Variants in SQSTM1 observed in about 807,000 individuals in gnomAD.
SQSTM1 encodes sequestosome 1.
SQSTM1 carries 36 observed loss-of-function variants against 45.1 expected under a neutral mutation model. The ratio of observed to expected loss-of-function variants is 0.80; its 90% confidence interval spans 0.61 to 1.05. The LOEUF (loss-of-function observed/expected upper bound fraction) is 1.05. SQSTM1 is among the 50% of genes least tolerant of loss of function. The pLI is 0.00. For synonymous variants in SQSTM1, 290 were observed against 244.3 expected (o/e 1.19, Z -1.74); for missense variants, 617 against 607.1 (o/e 1.02, Z -0.17).
At chr5:179,809,190 G>C (rs1316855372) in intron 1 of SQSTM1, among the ~76,000 whole-genome samples, 3 of 136,094 alleles carry the variant, frequency 2.2e-5, no homozygotes, top group South Asian at 4.9e-4. Context: ...ACGGAGTCTC[G>C]GTCTGTCGCC....
At chr5:179,820,882 G>GT (rs1006439663), upstream of SQSTM1, 3 of 1,416,438 alleles carry the variant, frequency 2.1e-6, no homozygotes. Flanking sequence ...CGCTACAAAA[G>GT]CCGCGCGGCG....
upstream of SQSTM1, among the ~76,000 whole-genome samples, chr5:179,816,625 C>T (rs145543673): frequency 6.6e-6 from 1 of 152,326 alleles, no homozygotes; most frequent in East Asian, 1.9e-4. Flanking sequence ...AAGGCCATGC[C>T]GACCTCTCCC....
chr5:179,832,217 C>T (rs1458283512), intron 5 of SQSTM1, among the ~76,000 whole-genome samples: 1 of 152,192 alleles, frequency 6.6e-6, no homozygotes, highest in Non-Finnish European at 1.5e-5. Flanking sequence ...TGAAAGGGCA[C>T]AGGGAGAGTT....
intron 1 of SQSTM1, chr5:179,821,755 C>T (rs1757788970): frequency 3.1e-6 from 1 of 326,942 alleles, no homozygotes; most frequent in Admixed American, 4.2e-5. Context: ...GAACGTTCTT[C>T]AGAAGTGTTG....
chr5:179,832,289 C>T (rs1333574196), intron 5 of SQSTM1, among the ~76,000 whole-genome samples: 3 of 152,200 alleles, frequency 2.0e-5, no homozygotes, highest in Admixed American at 6.5e-5. Context: ...TGACTCTAAG[C>T]TGTGGGTGTG....
intron 5 of SQSTM1, 137 bp from the exon 6 acceptor site, chr5:179,832,895 C>G (rs1758302118): frequency 1.2e-6 from 1 of 868,676 alleles, no homozygotes; most frequent in African/African-American, 1.7e-5. Flanking sequence ...TGAGTGCCAC[C>G]ATCCAGACAC....
chr5:179,834,665 A>C (rs963019516), intron 7 of SQSTM1, among the ~76,000 whole-genome samples: 1 of 152,084 alleles, frequency 6.6e-6, no homozygotes, highest in Non-Finnish European at 1.5e-5. Context: ...CACATCTTGC[A>C]CCGCCCTTAA....
chr5:179,834,933 G>A (rs1343125586), intron 7 of SQSTM1, among the ~76,000 whole-genome samples: 4 of 152,286 alleles, frequency 2.6e-5, no homozygotes, highest in Admixed American at 6.5e-5. Context: ...CCTCCCAGAC[G>A]GGGTGGTGGC....
intron 5 of SQSTM1, among the ~76,000 whole-genome samples, chr5:179,828,206 C>T (rs142404900): frequency 2.9e-4 from 44 of 152,290 alleles, no homozygotes; most frequent in African/African-American, 8.2e-4. Flanking sequence ...GCCTGAAAAT[C>T]TCACGCTTTC....
chr5:179,818,749 C>G (rs1872779), upstream of SQSTM1: 63,511 of 152,508 alleles, frequency 0.42, 13,738 homozygotes, highest in South Asian at 0.59. Flanking sequence ...GAGGGCAGCC[C>G]AAATCCTTCC....
chr5:179,835,999 C>T, intron 7 of SQSTM1: 1 of 286,784 alleles, frequency 3.5e-6, no homozygotes, highest in South Asian at 3.7e-5. Context: ...GCCTTCTCCA[C>T]ATACATTTCC....
chr5:179,835,458 C>G (rs1056506318), intron 7 of SQSTM1: 1 of 156,222 alleles, frequency 6.4e-6, no homozygotes, highest in Admixed American at 6.5e-5. Flanking sequence ...CCGAGGCTGG[C>G]GGATCACTCG....
At position 179,833,529 on chromosome 5, in the gene SQSTM1, G is replaced by A. The variant is rs533684760; in HGVS notation, c.970-58G>A. ...ACTGTCTGCCAGGAGCCAGGGCCAT[G>A]GTCAGGCTTGGCCTGTTGCGCGTGT... On this transcript the variant is annotated intron_variant, in intron 6 of 7. Coordinates refer to ENST00000389805, the MANE Select transcript of SQSTM1 (RefSeq NM_003900.5). 3.0e-5 allele frequency: 48 copies of A among 1,587,036 alleles called. No individual in the cohort carries two copies. The African/African-American group carries it at 5.8e-4, about 19-fold the overall frequency.
Position 179,820,910 on chromosome 5 carries a change from C to A in SQSTM1, c.-27C>A, listed in dbSNP as rs781131232. Reference sequence around the variant, plus strand: ...GCGCGGCGGCTGCGACCGGGACGGCCCGTTTTCCGCCAGCTCGCCGCTCGC... The same window carrying A: ...GCGCGGCGGCTGCGACCGGGACGGCACGTTTTCCGCCAGCTCGCCGCTCGC... On this transcript the variant is annotated 5_prime_UTR_variant, in exon 1 of 8. Transcript: ENST00000389805. 8 of 1,494,420 alleles carry A rather than the reference C, an allele frequency of 5.4e-6. No homozygotes were observed. The African/African-American group carries it at 1.2e-4, about 22-fold the overall frequency. The allele number at this position is 1,494,420 out of a possible 1,614,324, so 92.6% of individuals were successfully genotyped here. A position where few individuals can be genotyped will look rare whatever the true frequency, so the allele number is the denominator to read the frequency against.
upstream of SQSTM1, among the ~76,000 whole-genome samples, chr5:179,815,722 G>A (rs756525420): frequency 7.9e-5 from 12 of 152,194 alleles, no homozygotes; most frequent in Non-Finnish European, 1.3e-4. Flanking sequence ...TGGCCATGGG[G>A]TTTACCTCAC....
intron 5 of SQSTM1, among the ~76,000 whole-genome samples, chr5:179,826,572 G>A (rs1335082559): frequency 1.3e-5 from 2 of 150,450 alleles, no homozygotes; most frequent in African/African-American, 4.9e-5. Context: ...TGAAGTCAGA[G>A]AATAGGAAAG....
intron 1 of SQSTM1, among the ~76,000 whole-genome samples, chr5:179,810,805 A>G (rs1757372129): frequency 6.6e-6 from 1 of 152,150 alleles, no homozygotes; most frequent in South Asian, 2.1e-4. Context: ...AATGATTGGC[A>G]TTCTAACTGG....
Position 179,836,425 on chromosome 5 carries a change from T to C in SQSTM1, c.1166-11T>C. 1 of 1,614,158 alleles carries C rather than the reference T, an allele frequency of 6.2e-7. No homozygotes were observed. Among genetic ancestry groups the C allele is most frequent in the Non-Finnish European group, 8.5e-7 (1 of 1,180,034 alleles). On this transcript the variant is annotated splice_polypyrimidine_tract_variant and intron_variant, in intron 7 of 7. Coordinates refer to ENST00000389805, the MANE Select transcript of SQSTM1 (RefSeq NM_003900.5). ...GCACCACTCCTCATGGCTTCCTTAC[T>C]GTTTCGGCAGAGGCTGACCCGCGGC...
At chr5:179,821,518 C>T (rs1257385944) in intron 1 of SQSTM1, 2 of 502,720 alleles carry the variant, frequency 4.0e-6, no homozygotes, top group South Asian at 1.5e-5. Flanking sequence ...GTCAGGCGGG[C>T]ACTCGGGTTA....
Sources: allele counts gnomAD v4.1 joint callset (sites outside exome capture counted in the v4.1 genomes callset), GRCh38; gene constraint gnomAD v4.1.1; transcripts MANE v1.5; gene names NCBI Gene and HGNC (gene_info 2026-07-23, HGNC 2026-07-21).